Variants in ARHGAP29 observed in about 807,000 individuals in gnomAD.
ARHGAP29 encodes rho GTPase-activating protein 29.
ARHGAP29 carries 43 observed loss-of-function variants against 122.6 expected under a neutral mutation model. That is an observed-to-expected ratio of 0.35 (90% confidence interval 0.27 to 0.45). ARHGAP29 has a LOEUF of 0.45. ARHGAP29 is among the 20% of genes least tolerant of loss of function. ARHGAP29 has a pLI of 1.00. For synonymous variants in ARHGAP29, 506 were observed against 497.1 expected (o/e 1.02, Z -0.24); for missense variants, 1,303 against 1,477.2 (o/e 0.88, Z 1.93).
chr1:94,251,320 C>T (rs1654076983), intron 1 of ARHGAP29, among the ~76,000 whole-genome samples: 1 of 152,066 alleles, frequency 6.6e-6, no homozygotes, highest in Admixed American at 6.5e-5. Context: ...TAGGTGCCCA[C>T]CACCACGCCC....
chr1:94,236,529 T>C (rs2101627499), intron 1 of ARHGAP29, among the ~76,000 whole-genome samples: 1 of 152,284 alleles, frequency 6.6e-6, no homozygotes, highest in Admixed American at 6.5e-5. Flanking sequence ...GCTCAGCTCC[T>C]GCCATTAGCA....
chr1:94,204,823 C>T (rs1005786959), intron 7 of ARHGAP29, among the ~76,000 whole-genome samples: 2 of 152,146 alleles, frequency 1.3e-5, no homozygotes, highest in Non-Finnish European at 2.9e-5. Context: ...AGTATGACTT[C>T]TTTGAAGGCA....
At chr1:94,251,212 C>T (rs1654070789) in intron 1 of ARHGAP29, among the ~76,000 whole-genome samples, 1 of 150,894 alleles carries the variant, frequency 6.6e-6, no homozygotes, top group African/African-American at 2.4e-5. Flanking sequence ...GCTCTGTCAC[C>T]CAGGCTGGAG....
chr1:94,199,690 T>G (rs900651497), intron 12 of ARHGAP29, among the ~76,000 whole-genome samples: 2 of 152,186 alleles, frequency 1.3e-5, no homozygotes, highest in African/African-American at 4.8e-5. Flanking sequence ...CCATGGAAAT[T>G]CACACTAGCC....
At chr1:94,304,150 T>C in the ARHGAP29 span, among the ~76,000 whole-genome samples, 6 of 152,122 alleles carry the variant, frequency 3.9e-5, no homozygotes, top group Admixed American at 3.3e-4. Context: ...TTTTGGGGGA[T>C]GGGGGAAGAA....
At chr1:94,223,196 G>A (rs1031628831) in intron 2 of ARHGAP29, among the ~76,000 whole-genome samples, 8 of 152,204 alleles carry the variant, frequency 5.3e-5, no homozygotes, top group African/African-American at 1.7e-4. Flanking sequence ...CATCCGCCTC[G>A]GCCTCCCAAA....
chr1:94,186,439 A>T, intron 16 of ARHGAP29, 60 bp downstream of exon 16: 1 of 1,181,660 alleles, frequency 8.5e-7, no homozygotes, highest in East Asian at 2.4e-5. Context: ...TTTATCTAAT[A>T]TCATGCAGTG....
At position 94,171,578 on chromosome 1, in the gene ARHGAP29, G is replaced by C. The variant is rs935841525; in HGVS notation, c.*2291C>G. Among the ~76,000 whole-genome samples, 1 of 152,120 alleles carries C rather than the reference G, an allele frequency of 6.6e-6. No individual in the cohort carries two copies. The highest frequency in any genetic ancestry group is 2.4e-5 in the African/African-American group (1 of 41,404). ...ATAAATGATTTCCACCACACTATTA[G>C]ATAGCACAACACAGTGCACACTGTG... is the stretch of plus-strand genomic sequence containing the variant. On this transcript the variant is annotated 3_prime_UTR_variant, in exon 23 of 23. Transcript: ENST00000260526.
At chr1:94,314,089 C>A in the ARHGAP29 span, among the ~76,000 whole-genome samples, 1 of 152,124 alleles carries the variant, frequency 6.6e-6, no homozygotes, top group African/African-American at 2.4e-5. Flanking sequence ...TAAACCTGCA[C>A]GTTGTGCACA....
intron 12 of ARHGAP29, chr1:94,194,980 G>A (rs779835959): frequency 6.6e-6 from 1 of 152,014 alleles, no homozygotes; most frequent in Non-Finnish European, 1.5e-5. Context: ...AGTAATAATA[G>A]AAGTCTACAT....
At chr1:94,200,644 T>C (rs962197384) in intron 12 of ARHGAP29, among the ~76,000 whole-genome samples, 2 of 152,148 alleles carry the variant, frequency 1.3e-5, no homozygotes, top group African/African-American at 4.8e-5. Context: ...ACACCGCAAA[T>C]GTCCAACTAG....
At chr1:94,261,863 C>G (rs1384914958) in intron 1 of ARHGAP29, among the ~76,000 whole-genome samples, 1 of 152,148 alleles carries the variant, frequency 6.6e-6, no homozygotes, top group African/African-American at 2.4e-5. Context: ...CTATTCTTAT[C>G]AAACTACTGA....
At chr1:94,313,080 T>C in the ARHGAP29 span, among the ~76,000 whole-genome samples, 1 of 152,214 alleles carries the variant, frequency 6.6e-6, no homozygotes, top group Non-Finnish European at 1.5e-5. Flanking sequence ...GTGTCAAAAC[T>C]TGAACTTCTG....
the ARHGAP29 span, among the ~76,000 whole-genome samples, chr1:94,308,043 T>G: frequency 1.3e-5 from 2 of 152,182 alleles, no homozygotes; most frequent in Non-Finnish European, 2.9e-5. Flanking sequence ...TTTTTATCTT[T>G]AATGGATTGC....
chr1:94,305,409 T>C, the ARHGAP29 span, among the ~76,000 whole-genome samples: 1 of 152,198 alleles, frequency 6.6e-6, no homozygotes, highest in Non-Finnish European at 1.5e-5. Context: ...GGCAGTTCTA[T>C]GTGGTAGGAA....
intron 3 of ARHGAP29, among the ~76,000 whole-genome samples, chr1:94,215,111 A>C (rs1291661523): frequency 6.7e-6 from 1 of 148,204 alleles, no homozygotes; most frequent in Non-Finnish European, 1.5e-5. Flanking sequence ...AAGGAAAAAA[A>C]AAAAAAAAGA....
intron 2 of ARHGAP29, among the ~76,000 whole-genome samples, chr1:94,221,618 A>G (rs1224566925): frequency 6.6e-6 from 1 of 150,670 alleles, no homozygotes; most frequent in Non-Finnish European, 1.5e-5. Context: ...TATATACTTA[A>G]ATATATATAC....
intron 1 of ARHGAP29, among the ~76,000 whole-genome samples, chr1:94,258,146 C>T (rs561901047): frequency 6.6e-6 from 1 of 152,322 alleles, no homozygotes; most frequent in South Asian, 2.1e-4. Flanking sequence ...CCACTGGAGT[C>T]ATGGGTAACA....
At chr1:94,199,543 A>G (rs1165990953) in intron 12 of ARHGAP29, among the ~76,000 whole-genome samples, 1 of 152,198 alleles carries the variant, frequency 6.6e-6, no homozygotes, top group East Asian at 1.9e-4. Context: ...TTCATGTGCA[A>G]AGCAACAAGT....
Sources: gnomAD v4.1 joint callset for allele counts (sites outside exome capture counted in the v4.1 genomes callset) on GRCh38, gnomAD v4.1.1 for gene constraint, MANE v1.5 for transcripts, NCBI Gene and HGNC (gene_info 2026-07-23, HGNC 2026-07-21) for gene names.